Variants in C10orf143 observed in about 807,000 individuals in gnomAD.
C10orf143 encodes the protein chromosome 10 open reading frame 143, also known as uncharacterized protein C10orf143.
intron 3 of C10orf143, among the ~76,000 whole-genome samples, chr10:130,071,862 G>A (rs994742126): frequency 2.0e-5 from 3 of 152,166 alleles, no homozygotes; most frequent in Admixed American, 1.3e-4. Flanking sequence ...AACCTCAGGT[G>A]ATCTGCCCAC....
chr10:130,076,369 G>T (rs926720239), intron 3 of C10orf143, among the ~76,000 whole-genome samples: 1 of 152,186 alleles, frequency 6.6e-6, no homozygotes, highest in African/African-American at 2.4e-5. Context: ...TCTCCCAGAA[G>T]TCAGAAGCAA....
intron 3 of C10orf143, among the ~76,000 whole-genome samples, chr10:130,071,568 T>C (rs1045648298): frequency 1.3e-5 from 2 of 152,234 alleles, no homozygotes; most frequent in Admixed American, 6.5e-5. Context: ...GCAAAAAGCT[T>C]TTCTTAGACA....
At chr10:130,044,024 A>AGAGAGG (rs1229334864) in intron 3 of C10orf143, among the ~76,000 whole-genome samples, 4 of 152,000 alleles carry the variant, frequency 2.6e-5, no homozygotes, top group African/African-American at 9.7e-5. Context: ...AGAGAAAGAG[A>AGAGAGG]GAGAGGGAGA....
At chr10:130,042,138 A>G (rs1860614584) in intron 3 of C10orf143, among the ~76,000 whole-genome samples, 1 of 152,220 alleles carries the variant, frequency 6.6e-6, no homozygotes, top group Non-Finnish European at 1.5e-5. Context: ...AGACAACCCC[A>G]GGCAGAGCTC....
intron 3 of C10orf143, among the ~76,000 whole-genome samples, chr10:130,070,251 T>C (rs1861008684): frequency 1.3e-5 from 2 of 152,214 alleles, no homozygotes; most frequent in African/African-American, 2.4e-5. Context: ...TTCTGTTCTC[T>C]GTTCTTGAGT....
intron 1 of C10orf143, chr10:130,107,741 C>G: frequency 8.1e-7 from 1 of 1,236,786 alleles, no homozygotes; most frequent in Non-Finnish European, 1.2e-6. Flanking sequence ...TCCTCTGGAC[C>G]ATCAGATTAC....
chr10:130,079,049 A>T (rs117309653), intron 3 of C10orf143, among the ~76,000 whole-genome samples: 2,643 of 151,894 alleles, frequency 0.017, 35 homozygotes, highest in Non-Finnish European at 0.03. Flanking sequence ...ACTTTATGAT[A>T]TTCTGCCCAG....
At position 130,085,273 on chromosome 10, in the gene C10orf143, T is replaced by C. The variant is rs138339920; in HGVS notation, c.70-5372A>G. On this transcript the variant is annotated intron_variant, in intron 1 of 3. Transcript: ENST00000637128. Reference sequence around the variant, plus strand: ...TTCGTATTAATTGTAAAGAGAAAAATAGTAACTTTACCGTGGATAAAACCA... The same window carrying C: ...TTCGTATTAATTGTAAAGAGAAAAACAGTAACTTTACCGTGGATAAAACCA... 1.2e-3 allele frequency among the ~76,000 whole-genome samples: 178 copies of C among 152,170 alleles called. 3 individuals carry two copies. In the East Asian group the frequency reaches 0.024, roughly 20 times the overall value.
intron 3 of C10orf143, among the ~76,000 whole-genome samples, chr10:130,045,125 G>C (rs1421147002): frequency 1.3e-5 from 2 of 152,224 alleles, no homozygotes; most frequent in Admixed American, 6.5e-5. Flanking sequence ...CATGGAGAAA[G>C]TTTAGGACCT....
intron 1 of C10orf143, among the ~76,000 whole-genome samples, chr10:130,095,834 A>G (rs774921859): frequency 2.4e-4 from 36 of 152,234 alleles, no homozygotes; most frequent in Non-Finnish European, 2.9e-5. Flanking sequence ...TAAAATCATA[A>G]AAACCCTAGA....
At chr10:130,094,507 A>G (rs1274860147) in intron 1 of C10orf143, among the ~76,000 whole-genome samples, 2 of 152,264 alleles carry the variant, frequency 1.3e-5, no homozygotes, top group African/African-American at 2.4e-5. Context: ...TTCCAGCAGC[A>G]CATCAAAAAG....
intron 3 of C10orf143, among the ~76,000 whole-genome samples, chr10:130,036,479 G>A (rs996653803): frequency 2.0e-5 from 3 of 152,292 alleles, no homozygotes; most frequent in East Asian, 1.9e-4. Context: ...AGCCCTGATT[G>A]TTTGACCCAG....
intron 3 of C10orf143, among the ~76,000 whole-genome samples, chr10:130,050,190 C>T (rs1490652367): frequency 1.3e-5 from 2 of 152,242 alleles, no homozygotes; most frequent in African/African-American, 4.8e-5. Flanking sequence ...CAGGAATGGG[C>T]CACGCTCACA....
chr10:130,075,935 A>C (rs1861108242), intron 3 of C10orf143, among the ~76,000 whole-genome samples: 1 of 148,168 alleles, frequency 6.7e-6, no homozygotes, highest in Admixed American at 6.7e-5. Flanking sequence ...TTTATAAATT[A>C]TCCAGTCTCA....
chr10:130,100,679 TATA>T (rs755461630), intron 1 of C10orf143, among the ~76,000 whole-genome samples: 10 of 152,346 alleles, frequency 6.6e-5, no homozygotes, highest in Admixed American at 3.9e-4. Context: ...AATCAAATGC[TATA>T]ATGTCTGGGA....
chr10:130,059,100 G>C (rs1382537826), downstream of C10orf143, among the ~76,000 whole-genome samples: 1 of 152,192 alleles, frequency 6.6e-6, no homozygotes, highest in Non-Finnish European at 1.5e-5. Flanking sequence ...AACACAGTTA[G>C]ATATATCACT....
chr10:130,081,282 A>C (rs1043391362), intron 1 of C10orf143, among the ~76,000 whole-genome samples: 31 of 152,334 alleles, frequency 2.0e-4, no homozygotes, highest in African/African-American at 6.7e-4. Context: ...CATAATGCTC[A>C]TGAACACCTA....
chr10:130,057,639 G>C (rs1860810411), intron 3 of C10orf143, among the ~76,000 whole-genome samples: 1 of 108,732 alleles, frequency 9.2e-6, no homozygotes, highest in African/African-American at 3.6e-5. Context: ...GATTGTGGGG[G>C]AAGGGGGCTT....
intron 3 of C10orf143, among the ~76,000 whole-genome samples, chr10:130,074,012 C>G (rs1861073957): frequency 6.6e-6 from 1 of 152,148 alleles, no homozygotes; most frequent in African/African-American, 2.4e-5. Flanking sequence ...TAGCCAAGAG[C>G]TTCTCACTGT....
Sources: allele counts gnomAD v4.1 joint callset (sites outside exome capture counted in the v4.1 genomes callset), GRCh38; gene constraint gnomAD v4.1.1; transcripts MANE v1.5; gene names NCBI Gene and HGNC (gene_info 2026-07-23, HGNC 2026-07-21).